Variants in CREB5 observed in about 807,000 individuals in gnomAD.
CREB5 encodes cAMP responsive element binding protein 5.
In CREB5, 19 loss-of-function variants were observed where a neutral mutation model predicts 57.1. The observed-to-expected ratio is 0.33, with a 90% confidence interval of 0.23 to 0.49. CREB5 has a LOEUF of 0.49. CREB5 is among the 20% of genes least tolerant of loss of function. The pLI is 0.99. For missense variants in CREB5, 579 were observed against 671.6 expected (o/e 0.86, Z 1.52); for synonymous variants, 238 against 238.3 (o/e 1.00, Z 0.01).
intron 1 of CREB5, among the ~76,000 whole-genome samples, chr7:28,483,696 A>G (rs999509459): frequency 2.6e-5 from 4 of 152,220 alleles, no homozygotes; most frequent in Non-Finnish European, 1.5e-5. Flanking sequence ...CATGTGGTTA[A>G]TAGACTGGAC....
chr7:28,561,422 T>C lies in CREB5; in HGVS notation c.292-8943T>C, dbSNP rs576225836. On this transcript the variant is annotated intron_variant, in intron 4 of 10. Coordinates refer to ENST00000357727, the MANE Select transcript of CREB5 (RefSeq NM_182898.4). ...TATCTGGTGTTAGCATTGATAGTAA[T>C]GATGATGAGAATAGTGATAATTAGA... Among the ~76,000 whole-genome samples the C allele has an allele frequency of 2.0e-5, 3 of 152,320 alleles. No homozygotes were observed. The South Asian group carries it at 6.2e-4, about 32-fold the overall frequency.
At chr7:28,776,950 A>G (rs1337587528) in intron 7 of CREB5, among the ~76,000 whole-genome samples, 1 of 152,194 alleles carries the variant, frequency 6.6e-6, no homozygotes, top group Non-Finnish European at 1.5e-5. Context: ...TCATCAATTA[A>G]TGAACATTTG....
At chr7:28,475,455 T>A (rs1051619998) in intron 1 of CREB5, among the ~76,000 whole-genome samples, 1 of 142,524 alleles carries the variant, frequency 7.0e-6, no homozygotes, top group African/African-American at 2.8e-5. Context: ...CATGGGCTAT[T>A]TGGGGAATAA....
intron 1 of CREB5, among the ~76,000 whole-genome samples, chr7:28,306,623 G>C (rs937247872): frequency 4.0e-5 from 4 of 99,992 alleles, no homozygotes; most frequent in African/African-American, 8.0e-5. Flanking sequence ...TGCAGTGGCG[G>C]GATCTCGGCT....
At chr7:28,689,583 G>A (rs1176230557) in intron 5 of CREB5, among the ~76,000 whole-genome samples, 1 of 152,150 alleles carries the variant, frequency 6.6e-6, no homozygotes, top group Non-Finnish European at 1.5e-5. Context: ...TATGGACACT[G>A]TTACAATCCA....
chr7:28,658,685 G>A (rs1799430823), intron 5 of CREB5, among the ~76,000 whole-genome samples: 2 of 152,048 alleles, frequency 1.3e-5, no homozygotes, highest in South Asian at 2.1e-4. Flanking sequence ...GATGCAGCCT[G>A]GCTTTCTTAG....
intron 1 of CREB5, among the ~76,000 whole-genome samples, chr7:28,470,451 A>G (rs1790758873): frequency 6.6e-6 from 1 of 152,184 alleles, no homozygotes; most frequent in African/African-American, 2.4e-5. Flanking sequence ...TATAAATACA[A>G]TATTTTCTTT....
intron 1 of CREB5, among the ~76,000 whole-genome samples, chr7:28,380,448 C>T (rs191098806): frequency 4.7e-4 from 71 of 152,252 alleles, no homozygotes; most frequent in South Asian, 3.5e-3. Context: ...AGGTCTGCTG[C>T]GATGGTGCTA....
At chr7:28,621,778 G>T (rs1340513478) in intron 5 of CREB5, among the ~76,000 whole-genome samples, 1 of 152,160 alleles carries the variant, frequency 6.6e-6, no homozygotes, top group Non-Finnish European at 1.5e-5. Flanking sequence ...ACAGGATGAT[G>T]TCGTCATACC....
At chr7:28,355,533 T>A (rs1786322291) in intron 1 of CREB5, among the ~76,000 whole-genome samples, 1 of 152,174 alleles carries the variant, frequency 6.6e-6, no homozygotes, top group Admixed American at 6.5e-5. Context: ...AAAGAAAAGA[T>A]TAAACACAGC....
intron 4 of CREB5, among the ~76,000 whole-genome samples, chr7:28,566,076 CCTTTATTCACA>C (rs1304984289): frequency 6.6e-6 from 1 of 152,170 alleles, no homozygotes. Flanking sequence ...ATTTTGGATG[CCTTTATTCACA>C]CTTATTTGTC....
At chr7:28,780,620 G>A (rs1806918663) in intron 7 of CREB5, among the ~76,000 whole-genome samples, 1 of 152,074 alleles carries the variant, frequency 6.6e-6, no homozygotes, top group African/African-American at 2.4e-5. Flanking sequence ...TACTCAGGTG[G>A]CTGAGGCACG....
In CREB5 at chr7:28,700,689, A is replaced by G. The variant is rs946203885; in HGVS notation, c.465-18064A>G. ...CAGGGGAGTTTGTGCTCAGATGATG[A>G]GCTTCCTGCTTGATTTCAACTCTCT... On this transcript the variant is annotated intron_variant, in intron 5 of 10. Transcript: ENST00000357727. 2.0e-5 allele frequency among the ~76,000 whole-genome samples: 3 copies of G among 152,238 alleles called. No individual in the cohort carries two copies. The South Asian group carries it at 6.2e-4, about 32-fold the overall frequency.
chr7:28,322,539 A>T (rs1210362596), intron 1 of CREB5, among the ~76,000 whole-genome samples: 3 of 152,088 alleles, frequency 2.0e-5, no homozygotes, highest in Non-Finnish European at 4.4e-5. Context: ...TCAACCCATC[A>T]TCTAGGCTTT....
At chr7:28,339,169 T>C (rs186471911) in intron 1 of CREB5, among the ~76,000 whole-genome samples, 231 of 152,268 alleles carry the variant, frequency 1.5e-3, no homozygotes, top group African/African-American at 5.3e-3. Context: ...CTGAATGGTC[T>C]TGATGCTTGT....
At chr7:28,620,385 G>C (rs1164556142) in intron 5 of CREB5, among the ~76,000 whole-genome samples, 4 of 152,110 alleles carry the variant, frequency 2.6e-5, no homozygotes, top group African/African-American at 7.2e-5. Flanking sequence ...TCAGTGAACA[G>C]TGCTAAAAGG....
At chr7:28,516,892 A>G (rs1046310082) in intron 4 of CREB5, among the ~76,000 whole-genome samples, 28 of 152,208 alleles carry the variant, frequency 1.8e-4, no homozygotes, top group Non-Finnish European at 3.7e-4. Flanking sequence ...AGCTGTGAGT[A>G]ATTCAGGATT....
At chr7:28,416,694 G>C (rs777226528) in intron 1 of CREB5, among the ~76,000 whole-genome samples, 13 of 152,202 alleles carry the variant, frequency 8.5e-5, no homozygotes, top group East Asian at 1.9e-4. Flanking sequence ...GAATGATCCT[G>C]TGTCGAAGGT....
intron 5 of CREB5, among the ~76,000 whole-genome samples, chr7:28,670,663 A>C (rs934384892): frequency 6.6e-6 from 1 of 152,202 alleles, no homozygotes; most frequent in African/African-American, 2.4e-5. Flanking sequence ...CTTTAATTCT[A>C]CATATCTCCC....
Sources: allele counts gnomAD v4.1 joint callset (sites outside exome capture counted in the v4.1 genomes callset), GRCh38; gene constraint gnomAD v4.1.1; transcripts MANE v1.5; gene names NCBI Gene and HGNC (gene_info 2026-07-23, HGNC 2026-07-21).